Variants in GRID2IP observed in about 807,000 individuals in gnomAD.
GRID2IP encodes the protein Grid2 interacting protein, also known as delphilin.
GRID2IP carries 78 observed loss-of-function variants against 114.3 expected under a neutral mutation model. The observed-to-expected ratio is 0.68, with a 90% CI of 0.57 to 0.82. The LOEUF is 0.82. GRID2IP is among the 40% of genes least tolerant of loss of function. The pLI is 0.00. For missense variants in GRID2IP, 1,727 were observed against 1,678.5 expected, an observed-to-expected ratio of 1.03 and a Z score of -0.51; for synonymous variants, 809 against 724.0, an observed-to-expected ratio of 1.12 and a Z score of -1.89.
At chr7:6,503,277 G>T in intron 16 of GRID2IP, 114 bp from the exon 17 acceptor site, 1 of 1,186,772 alleles carries the variant, frequency 8.4e-7, no homozygotes, top group Non-Finnish European at 1.2e-6. Flanking sequence ...CCGATATTCC[G>T]GTAGGAAGAA....
chr7:6,537,370 C>CTTTTTTTTT (rs772469574), intron 2 of GRID2IP, among the ~76,000 whole-genome samples: 1 of 58,356 alleles, frequency 1.7e-5, no homozygotes, highest in Non-Finnish European at 3.1e-5. Flanking sequence ...ATGGTGAGAC[C>CTTTTTTTTT]TTTTTTTTTT....
rs1262710903 is a variant in GRID2IP, at chr7:6,528,449, C to T, written c.585-1680G>A. Among the ~76,000 whole-genome samples the T allele has an allele frequency of 6.6e-6, 1 of 152,208 alleles. No homozygotes were observed. Among genetic ancestry groups the T allele is most frequent in the Non-Finnish European group, 1.5e-5 (1 of 68,030 alleles). On this transcript the variant is annotated intron_variant, in intron 2 of 21. Coordinates refer to ENST00000457091, the MANE Select transcript of GRID2IP (RefSeq NM_001145118.2). The surrounding 1 kb of genome is among the most constrained non-coding windows in gnomAD (Gnocchi z 6.0). Reference sequence around the variant, plus strand: ...GGCACAGCTGGCATCAGAGAACAGACTTCAGCGCTCAGCACTGTGGCAGGA... The same window carrying T: ...GGCACAGCTGGCATCAGAGAACAGATTTCAGCGCTCAGCACTGTGGCAGGA...
chr7:6,514,635 A>G lies in GRID2IP; in HGVS notation c.1269-106T>C, dbSNP rs891323146. On this transcript the variant is annotated intron_variant, in intron 7 of 21. Transcript: ENST00000457091. ...CTTCCAAGCCACAGCGTCTGCCCTC[A>G]TGCCCTATCCCTACCCTTCAAAGAC... 10 of 1,022,528 alleles carry G rather than the reference A, an allele frequency of 9.8e-6. No individual in the cohort carries two copies. The African/African-American group carries it at 1.1e-4, about 12-fold the overall frequency. 63.3% of individuals were successfully genotyped at this position (1,022,528 alleles called of 1,614,324 possible). A position where few individuals can be genotyped will look rare whatever the true frequency, so the allele number is the denominator to read the frequency against.
rs78747218 is a variant in GRID2IP, at chr7:6,501,405, T to C, written c.3399+376A>G. 1.3e-3 allele frequency among the ~76,000 whole-genome samples: 197 copies of C among 152,030 alleles called. 3 individuals are homozygous for C. The East Asian group carries it at 0.037, about 29-fold the overall frequency. On this transcript the variant is annotated intron_variant, in intron 20 of 21. Transcript: ENST00000457091. The stretch of plus-strand genomic sequence containing the variant: ...AAATAAATAAATAAATAAATAAATT[T>C]ATAATCCAGGATGGGACCTGGTGTT...
At position 6,521,621 on chromosome 7, in the gene GRID2IP, C is replaced by G. The variant is rs758621657; in HGVS notation, c.990-98G>C. 3.6e-6 allele frequency: 3 copies of G among 826,752 alleles called. No homozygotes were observed. The highest frequency in any genetic ancestry group is 5.7e-6 in the Non-Finnish European group (3 of 523,492). The allele number at this position is 826,752 out of a possible 1,614,324, so 51.2% of individuals were successfully genotyped here. A position where few individuals can be genotyped will look rare whatever the true frequency, so the allele number is the denominator to read the frequency against. On this transcript the variant is annotated intron_variant, in intron 5 of 21. Coordinates refer to ENST00000457091, the MANE Select transcript of GRID2IP (RefSeq NM_001145118.2). The surrounding 1 kb of genome is among the most constrained non-coding windows in gnomAD (Gnocchi z 4.1). Reference sequence around the variant, plus strand: ...TGTCCTGCCCACAGAGGTCACACAGCAAGACCACCTCTGTGTGACTCTGTG... The same window carrying G: ...TGTCCTGCCCACAGAGGTCACACAGGAAGACCACCTCTGTGTGACTCTGTG...
At chr7:6,527,079 T>C (rs921513768) in intron 2 of GRID2IP, among the ~76,000 whole-genome samples, 4 of 151,876 alleles carry the variant, frequency 2.6e-5, no homozygotes, top group Non-Finnish European at 4.4e-5. Flanking sequence ...CACGGACCCG[T>C]TCCTCCTCCT....
intron 20 of GRID2IP, among the ~76,000 whole-genome samples, chr7:6,499,318 A>T (rs1316124806): frequency 1.3e-5 from 2 of 152,156 alleles, no homozygotes; most frequent in Non-Finnish European, 2.9e-5. Flanking sequence ...GGGCTCACAG[A>T]GGGTAACTGA....
rs924805226 is a variant in GRID2IP at position 6,497,630 on chromosome 7, C to T, written c.*144G>A. Reference sequence around the variant, plus strand: ...CTGGCAGAGGAGGGCCCGACCACAGCTCGGCGGCTGAGGTAGCTGCAGGAG... The same window carrying T: ...CTGGCAGAGGAGGGCCCGACCACAGTTCGGCGGCTGAGGTAGCTGCAGGAG... On this transcript the variant is annotated 3_prime_UTR_variant, in exon 22 of 22. Coordinates refer to ENST00000457091, the MANE Select transcript of GRID2IP (RefSeq NM_001145118.2). The T allele has an allele frequency of 1.0e-5, 6 of 595,148 alleles. No individual in the cohort carries two copies. The highest frequency in any genetic ancestry group is 6.5e-5 in the Admixed American group (2 of 30,746). The allele number at this position is 595,148 out of a possible 1,614,324, so 36.9% of individuals were successfully genotyped here.
chr7:6,543,951 C>A (rs559809672), intron 1 of GRID2IP, among the ~76,000 whole-genome samples: 88 of 152,042 alleles, frequency 5.8e-4, no homozygotes, highest in African/African-American at 1.9e-3. Flanking sequence ...CAAATGCCAC[C>A]ACGCCCGGCT....
rs1779569490 is a variant in GRID2IP, at chr7:6,529,136, T to C, written c.585-2367A>G. Among the ~76,000 whole-genome samples, 5 of 152,172 alleles carry C rather than the reference T, an allele frequency of 3.3e-5. No individual in the cohort carries two copies. The South Asian group carries it at 1.0e-3, about 32-fold the overall frequency. ...AGGGGTCAAGAGGACATCACAGCTC[T>C]ACCTTCCAGCAGCAACTAGAAAAGG... On this transcript the variant is annotated intron_variant, in intron 2 of 21. Coordinates refer to ENST00000457091, the MANE Select transcript of GRID2IP (RefSeq NM_001145118.2).
rs1700383604 is a variant in GRID2IP at position 6,536,498 on chromosome 7, C to T, written c.584+3220G>A. Among the ~76,000 whole-genome samples, 1 of 152,106 alleles carries T rather than the reference C, an allele frequency of 6.6e-6. No homozygotes were observed. Among genetic ancestry groups the T allele is most frequent in the South Asian group, 2.1e-4 (1 of 4,826 alleles). ...CTGGGAAAGGCGGGCATGGGGCTGT[C>T]CCGGGGGGCAGGCGGGCTGGCCCGG... On this transcript the variant is annotated intron_variant, in intron 2 of 21. Coordinates refer to ENST00000457091, the MANE Select transcript of GRID2IP (RefSeq NM_001145118.2). The surrounding 1 kb of genome is among the most constrained non-coding windows in gnomAD (Gnocchi z 5.3).
In GRID2IP at chr7:6,521,913, G is replaced by A; in HGVS notation, c.964C>T (p.Leu322Phe). ...NAALKSGDRILFLNGLDMRNC... is the reference protein window; with the variant it reads ...NAALKSGDRIFFLNGLDMRNC... ...CTCATGTCCAGTCCATTGAGGAAGA[G>A]GATCCGGTCACCTGACTTGAGGGCA... Residue 322 changes from leucine (L) to phenylalanine (F), a missense_variant, in exon 5 of 22, where the codon CTC becomes TTC. By Grantham distance (22) the Leu-to-Phe change is conservative (BLOSUM62 0). Coordinates refer to ENST00000457091, the MANE Select transcript of GRID2IP (RefSeq NM_001145118.2). The surrounding 1 kb of genome is among the most constrained non-coding windows in gnomAD (Gnocchi z 4.1). The A allele has an allele frequency of 6.4e-7, 1 of 1,551,578 alleles. No homozygotes were observed. Among genetic ancestry groups the A allele is most frequent in the Non-Finnish European group, 8.7e-7 (1 of 1,146,908 alleles).
intron 15 of GRID2IP, among the ~76,000 whole-genome samples, 152 bp from the exon 16 acceptor site, chr7:6,503,839 A>T (rs1562511365): frequency 6.6e-6 from 1 of 150,978 alleles, no homozygotes; most frequent in Non-Finnish European, 1.5e-5. Flanking sequence ...AGGACAAGAA[A>T]CGCGGACGGG....
rs1786603565 is a variant in GRID2IP, at chr7:6,506,717, T to C, written c.2545-810A>G. Among the ~76,000 whole-genome samples the C allele has an allele frequency of 6.7e-6, 1 of 148,984 alleles. No individual in the cohort carries two copies. The highest frequency in any genetic ancestry group is 2.5e-5 in the African/African-American group (1 of 40,222). On this transcript the variant is annotated intron_variant, in intron 13 of 21. Transcript: ENST00000457091. The surrounding 1 kb of genome is among the most constrained non-coding windows in gnomAD (Gnocchi z 5.2). ...TTTTTTTTTAGATAGGGTCTCACTCTGTACCCCAGGCTGGAGTGCAGTGGT... is the reference window on the plus strand; with the variant it reads ...TTTTTTTTTAGATAGGGTCTCACTCCGTACCCCAGGCTGGAGTGCAGTGGT...
chr7:6,525,661 G>T (rs1191779593), intron 4 of GRID2IP, among the ~76,000 whole-genome samples: 1 of 152,100 alleles, frequency 6.6e-6, no homozygotes, highest in Non-Finnish European at 1.5e-5. Context: ...TAAATAAAAA[G>T]ATGCCATGAT....
intron 8 of GRID2IP, among the ~76,000 whole-genome samples, chr7:6,513,876 A>G (rs2115061869): frequency 1.5e-5 from 2 of 131,418 alleles, no homozygotes; most frequent in African/African-American, 2.9e-5. Flanking sequence ...TGAGCCCAGG[A>G]GGTTGAGGCT....
intron 19 of GRID2IP, 32 bp from the exon 20 acceptor site, chr7:6,501,931 C>T (rs950440211): frequency 5.8e-6 from 9 of 1,550,162 alleles, no homozygotes; most frequent in East Asian, 4.9e-5. Flanking sequence ...CTGCATGGGG[C>T]CACTCTCCCA....
intron 9 of GRID2IP, 39 bp from the exon 10 acceptor site, chr7:6,510,745 C>T (rs370077395): frequency 1.7e-4 from 251 of 1,514,670 alleles, no homozygotes; most frequent in Non-Finnish European, 2.0e-4. Context: ...CTGAGCTCTA[C>T]GGCTCAGGCC....
At chr7:6,547,521 C>A (rs1779905471) in intron 1 of GRID2IP, among the ~76,000 whole-genome samples, 2 of 152,076 alleles carry the variant, frequency 1.3e-5, no homozygotes, top group African/African-American at 4.8e-5. Flanking sequence ...GCACTCCAAT[C>A]TGGGCAACAG....
Sources: gnomAD v4.1 joint callset for allele counts (sites outside exome capture counted in the v4.1 genomes callset) on GRCh38, gnomAD v4.1.1 for gene constraint, Gnocchi (gnomAD v3.1) non-coding constraint, MANE v1.5 for transcripts, NCBI Gene and HGNC (gene_info 2026-07-23, HGNC 2026-07-21) for gene names.